The following PTPRT variants were observed in gnomAD, a reference collection of about 807,000 sequenced individuals.
PTPRT encodes protein tyrosine phosphatase receptor type T, also known as receptor-type tyrosine-protein phosphatase T.
Under a neutral mutation model 176.8 loss-of-function variants are expected in PTPRT, and 56 were observed. The observed-to-expected ratio is 0.32, with a 90% confidence interval of 0.26 to 0.40. The LOEUF (loss-of-function observed/expected upper bound fraction) is 0.40. PTPRT is among the 10% of genes least tolerant of loss of function. The pLI, the probability that PTPRT is intolerant of heterozygous loss-of-function variation, is 1.00. For missense variants in PTPRT, 1,540 were observed against 1,908.2 expected (o/e 0.81, Z 3.60); for synonymous variants, 783 against 739.0 (o/e 1.06, Z -0.96).
intron 6 of PTPRT, among the ~76,000 whole-genome samples, chr20:42,714,852 T>G (rs188958797): frequency 2.2e-4 from 33 of 152,250 alleles, no homozygotes; most frequent in African/African-American, 7.9e-4. Context: ...AGAGTTCATA[T>G]GGGGAGTACC....
intron 1 of PTPRT, among the ~76,000 whole-genome samples, chr20:42,934,302 A>G (rs1386493044): frequency 6.6e-6 from 1 of 152,262 alleles, no homozygotes; most frequent in Non-Finnish European, 1.5e-5. Context: ...ACAAGAGTAA[A>G]GGGAATTAAA....
intron 1 of PTPRT, among the ~76,000 whole-genome samples, chr20:42,973,245 C>T (rs1982757061): frequency 6.6e-6 from 1 of 151,982 alleles, no homozygotes; most frequent in South Asian, 2.1e-4. Context: ...GATGGTGGTG[C>T]CATTTTGATC....
At chr20:42,425,566 G>C (rs939847070) in intron 9 of PTPRT, among the ~76,000 whole-genome samples, 4 of 152,156 alleles carry the variant, frequency 2.6e-5, no homozygotes, top group African/African-American at 9.7e-5. Context: ...GGTGACCATA[G>C]TTGATAATAT....
intron 9 of PTPRT, among the ~76,000 whole-genome samples, chr20:42,446,772 C>T (rs949969791): frequency 6.6e-6 from 1 of 152,120 alleles, no homozygotes; most frequent in Non-Finnish European, 1.5e-5. Context: ...GAGTACCTGC[C>T]CTCCTCTCGG....
chr20:42,682,404 C>G (rs6030408), intron 6 of PTPRT, among the ~76,000 whole-genome samples: 11,107 of 152,208 alleles, frequency 0.073, 1,217 homozygotes, highest in African/African-American at 0.24. Context: ...TCCCTCTTAT[C>G]AGCACCATCA....
chr20:42,177,382 T>C (rs1374633455), intron 16 of PTPRT, among the ~76,000 whole-genome samples: 1 of 152,232 alleles, frequency 6.6e-6, no homozygotes, highest in African/African-American at 2.4e-5. Flanking sequence ...ACTGAATGAA[T>C]GAAGTAGTAC....
At chr20:42,644,493 C>A (rs1046974024) in intron 7 of PTPRT, among the ~76,000 whole-genome samples, 22 of 152,122 alleles carry the variant, frequency 1.4e-4, no homozygotes, top group Admixed American at 9.2e-4. Flanking sequence ...TCAATATGCT[C>A]TTCATCACTA....
intron 6 of PTPRT, among the ~76,000 whole-genome samples, chr20:42,729,094 CAAT>C (rs1471918602): frequency 6.6e-6 from 1 of 151,916 alleles, no homozygotes; most frequent in African/African-American, 2.4e-5. Context: ...AGCAAAACAA[CAAT>C]AACAACAACA....
intron 1 of PTPRT, among the ~76,000 whole-genome samples, chr20:43,079,978 G>A (rs2011393934): frequency 6.6e-6 from 1 of 152,134 alleles, no homozygotes; most frequent in Admixed American, 6.5e-5. Flanking sequence ...TTTGCAGTAG[G>A]CTTTCGGAGA....
At position 42,077,415 on chromosome 20, in the gene PTPRT, C is replaced by T. The variant is rs1982882521; in HGVS notation, c.*3464G>A. 1 of 222,026 alleles carries T rather than the reference C, an allele frequency of 4.5e-6. No homozygotes were observed. Among genetic ancestry groups the T allele is most frequent in the Admixed American group, 5.8e-5 (1 of 17,366 alleles). 13.8% of individuals were successfully genotyped at this position (222,026 alleles called of 1,614,324 possible). On this transcript the variant is annotated 3_prime_UTR_variant, in exon 31 of 31. Coordinates refer to ENST00000373187, the MANE Select transcript of PTPRT (RefSeq NM_007050.6). ...TCCTTGCATCTTCCCCAAACAGAGCCCACATCTATGAGGTAAGAGCTCCTG... is the reference window on the plus strand; with the variant it reads ...TCCTTGCATCTTCCCCAAACAGAGCTCACATCTATGAGGTAAGAGCTCCTG...
At chr20:42,386,858 T>TCAAA (rs951245078) in intron 9 of PTPRT, among the ~76,000 whole-genome samples, 5 of 152,058 alleles carry the variant, frequency 3.3e-5, no homozygotes, top group African/African-American at 9.7e-5. Context: ...AGACTCCGTC[T>TCAAA]CAAACAAACA....
At position 42,804,158 on chromosome 20, in the gene PTPRT, C is replaced by T. The variant is rs537182445; in HGVS notation, c.215-12692G>A. 2.6e-3 allele frequency among the ~76,000 whole-genome samples: 396 copies of T among 152,218 alleles called. 1 individual carries two copies. The highest frequency in any genetic ancestry group is 7.7e-3 in the African/African-American group (319 of 41,528). On this transcript the variant is annotated intron_variant, in intron 2 of 30. Coordinates refer to ENST00000373187, the MANE Select transcript of PTPRT (RefSeq NM_007050.6). The stretch of plus-strand genomic sequence containing the variant: ...AGCACCTGAACCCCTAGATTTTCTA[C>T]GGTTTTCATCCTGAACCCACTCTTC...
intron 7 of PTPRT, among the ~76,000 whole-genome samples, chr20:42,659,102 T>C (rs924612620): frequency 2.6e-5 from 4 of 152,154 alleles, no homozygotes; most frequent in South Asian, 2.1e-4. Flanking sequence ...ATTTTTTTCA[T>C]CATTGCTACG....
At chr20:42,669,026 C>T (rs916689723) in intron 7 of PTPRT, among the ~76,000 whole-genome samples, 5 of 152,014 alleles carry the variant, frequency 3.3e-5, no homozygotes, top group East Asian at 1.9e-4. Flanking sequence ...ATTCTTATGG[C>T]GTCTCAATCA....
intron 2 of PTPRT, among the ~76,000 whole-genome samples, chr20:42,866,634 C>T (rs545544776): frequency 9.9e-4 from 150 of 152,060 alleles, no homozygotes; most frequent in Admixed American, 3.3e-3. Flanking sequence ...TCTGATGAAT[C>T]CTCACTCTTA....
chr20:42,561,557 C>T lies in PTPRT; in HGVS notation c.1154-88995G>A, dbSNP rs543502303. On this transcript the variant is annotated intron_variant, in intron 7 of 30. Transcript: ENST00000373187. ...AAGTTCTCCTAGATTATATTTAGAT[C>T]CTGGCATGGCTTCTCCAGTTATGGA... 8.5e-5 allele frequency among the ~76,000 whole-genome samples: 13 copies of T among 152,304 alleles called. No individual in the cohort carries two copies. In the South Asian group the frequency reaches 2.7e-3, roughly 32 times the overall value.
intron 7 of PTPRT, among the ~76,000 whole-genome samples, chr20:42,521,373 T>C (rs1375636416): frequency 6.6e-6 from 1 of 152,182 alleles, no homozygotes; most frequent in East Asian, 1.9e-4. Context: ...AATTAGAATG[T>C]CATGCTTTCT....
At chr20:42,120,224 T>G (rs954910338) in intron 19 of PTPRT, among the ~76,000 whole-genome samples, 1 of 152,184 alleles carries the variant, frequency 6.6e-6, no homozygotes, top group African/African-American at 2.4e-5. Flanking sequence ...CCAGTGGCAC[T>G]GGGAGCAAAG....
intron 16 of PTPRT, among the ~76,000 whole-genome samples, chr20:42,169,522 TG>T (rs1186609855): frequency 6.6e-6 from 1 of 152,052 alleles, no homozygotes; most frequent in East Asian, 1.9e-4. Context: ...CATGCCAGGA[TG>T]GTATGGAATA....
Sources: allele counts gnomAD v4.1 joint callset (sites outside exome capture counted in the v4.1 genomes callset), GRCh38; gene constraint gnomAD v4.1.1; transcripts MANE v1.5; gene names NCBI Gene and HGNC (gene_info 2026-07-23, HGNC 2026-07-21).